Variants in SORCS2 observed in about 807,000 individuals in gnomAD.
SORCS2 encodes the protein sortilin related VPS10 domain containing receptor 2, also known as VPS10 domain-containing receptor SorCS2.
A neutral mutation model predicts 141.6 loss-of-function variants in SORCS2; 100 were observed. The observed-to-expected ratio is 0.71, with a 90% confidence interval of 0.60 to 0.83. The LOEUF is 0.83. SORCS2 is among the 40% of genes least tolerant of loss of function. SORCS2 has a pLI of 0.00. For synonymous variants in SORCS2, 789 were observed against 676.9 expected, an observed-to-expected ratio of 1.17 and a Z score of -2.57; for missense variants, 1,646 against 1,560.2, an observed-to-expected ratio of 1.05 and a Z score of -0.93.
chr4:7,468,856 C>T (rs756169307), intron 2 of SORCS2, among the ~76,000 whole-genome samples: 9 of 152,318 alleles, frequency 5.9e-5, no homozygotes, highest in East Asian at 1.9e-4. Context: ...CTATCCAAAA[C>T]GCCGTATCTG....
At chr4:7,296,797 C>T (rs1717093875) in intron 1 of SORCS2, among the ~76,000 whole-genome samples, 1 of 152,148 alleles carries the variant, frequency 6.6e-6, no homozygotes, top group African/African-American at 2.4e-5. Context: ...AGAGGTGACC[C>T]CCCAACACAC....
At chr4:7,710,945 T>C (rs1725793059) in intron 14 of SORCS2, among the ~76,000 whole-genome samples, 1 of 152,112 alleles carries the variant, frequency 6.6e-6, no homozygotes, top group Non-Finnish European at 1.5e-5. Flanking sequence ...AGAAAGCAGA[T>C]GGGACTGTGA....
At chr4:7,677,289 G>A (rs1163106603) in intron 9 of SORCS2, among the ~76,000 whole-genome samples, 1 of 152,184 alleles carries the variant, frequency 6.6e-6, no homozygotes, top group Non-Finnish European at 1.5e-5. Context: ...ATTTCCATCT[G>A]GATCCCTGCA....
intron 1 of SORCS2, among the ~76,000 whole-genome samples, chr4:7,328,593 C>T (rs535374531): frequency 1.3e-5 from 2 of 152,152 alleles, no homozygotes; most frequent in Admixed American, 6.5e-5. Flanking sequence ...TTGATTCATG[C>T]GAGAAGCGTT....
chr4:7,249,521 A>T (rs146678364), intron 1 of SORCS2, among the ~76,000 whole-genome samples: 1 of 152,312 alleles, frequency 6.6e-6, no homozygotes, highest in East Asian at 1.9e-4. Context: ...GAGGAGTATC[A>T]GAGAATTTGT....
chr4:7,694,814 C>T (rs959062928), intron 11 of SORCS2, among the ~76,000 whole-genome samples: 1 of 152,176 alleles, frequency 6.6e-6, no homozygotes, highest in Admixed American at 6.5e-5. Context: ...TTGCACCTGC[C>T]CGGGTCCACA....
intron 1 of SORCS2, among the ~76,000 whole-genome samples, chr4:7,309,029 T>C (rs961953618): frequency 2.6e-5 from 4 of 152,206 alleles, no homozygotes; most frequent in African/African-American, 7.2e-5. Context: ...TTCTCTCTCC[T>C]CTGCAACTTC....
rs946380074 is a variant in SORCS2, at chr4:7,736,222, A to G, written c.3312-847A>G. Among the ~76,000 whole-genome samples, 78 of 152,232 alleles carry G rather than the reference A, an allele frequency of 5.1e-4. 1 individual carries two copies. The highest frequency in any genetic ancestry group is 7.2e-4 in the Non-Finnish European group (49 of 68,048). ...CAGCCACATGCCCCTGGGGCCCGGC[A>G]GGGGCTTGGCCCTCGTCTCTCAAGG... On this transcript the variant is annotated intron_variant, in intron 25 of 26. Coordinates refer to ENST00000507866, the MANE Select transcript of SORCS2 (RefSeq NM_020777.3).
intron 7 of SORCS2, among the ~76,000 whole-genome samples, chr4:7,665,673 C>T (rs895492097): frequency 6.6e-6 from 1 of 152,200 alleles, no homozygotes; most frequent in Non-Finnish European, 1.5e-5. Context: ...TGTCCCTACA[C>T]CTGACTCAGG....
chr4:7,501,230 C>G (rs1731957870), intron 2 of SORCS2, among the ~76,000 whole-genome samples: 1 of 152,230 alleles, frequency 6.6e-6, no homozygotes, highest in Non-Finnish European at 1.5e-5. Flanking sequence ...CGCTCGGTCC[C>G]ACGCCCTCGT....
intron 2 of SORCS2, among the ~76,000 whole-genome samples, chr4:7,490,925 C>G (rs1399800947): frequency 1.3e-5 from 2 of 152,188 alleles, no homozygotes; most frequent in Non-Finnish European, 2.9e-5. Context: ...AGGGACGTAC[C>G]TGGCACGTGG....
At position 7,450,394 on chromosome 4, in the gene SORCS2, A is replaced by C. The variant is rs1183213479; in HGVS notation, c.548+54039A>C. Among the ~76,000 whole-genome samples, 3 of 152,194 alleles carry C rather than the reference A, an allele frequency of 2.0e-5. No homozygotes were observed. In the East Asian group the frequency reaches 5.8e-4, roughly 29 times the overall value. On this transcript the variant is annotated intron_variant, in intron 2 of 26. Transcript: ENST00000507866. ...CTCTCCAGCCCTTTCTTGGGCCCCC[A>C]GGTCCTCCAGAAGTTGTCAACCATC...
In SORCS2 at chr4:7,725,779, G is replaced by C. The variant is rs74642733; in HGVS notation, c.2745+492G>C. Among the ~76,000 whole-genome samples the C allele has an allele frequency of 5.5e-3, 840 of 152,290 alleles. 15 individuals carry two copies. Among genetic ancestry groups the C allele is most frequent in the African/African-American group, 0.019 (798 of 41,554 alleles). On this transcript the variant is annotated intron_variant, in intron 20 of 26. Coordinates refer to ENST00000507866, the MANE Select transcript of SORCS2 (RefSeq NM_020777.3). ...CAAATTAGCAGAATGCCTGGACTGG[G>C]GGCAAGACCCAGTGAAGGGCATCCT...
chr4:7,424,790 C>A (rs1003401529), intron 2 of SORCS2, among the ~76,000 whole-genome samples: 17 of 152,216 alleles, frequency 1.1e-4, no homozygotes, highest in Non-Finnish European at 5.9e-5. Flanking sequence ...ATGCCTTCAG[C>A]ACACACAGGC....
At chr4:7,231,757 G>A (rs1478855032) in intron 1 of SORCS2, among the ~76,000 whole-genome samples, 1 of 152,220 alleles carries the variant, frequency 6.6e-6, no homozygotes, top group African/African-American at 2.4e-5. Flanking sequence ...CTTCATGATG[G>A]AGGTGGCCTT....
At chr4:7,548,107 G>A (rs918311180) in intron 3 of SORCS2, among the ~76,000 whole-genome samples, 2 of 152,242 alleles carry the variant, frequency 1.3e-5, no homozygotes, top group African/African-American at 4.8e-5. Context: ...CATTCCTCCA[G>A]ATACTTTTCC....
chr4:7,427,742 GA>G (rs796240062), intron 2 of SORCS2, among the ~76,000 whole-genome samples: 20 of 152,152 alleles, frequency 1.3e-4, no homozygotes, highest in African/African-American at 3.1e-4. Flanking sequence ...AAGAGAGTGG[GA>G]GGCAGATCTC....
At chr4:7,275,489 C>G (rs1166475288) in intron 1 of SORCS2, among the ~76,000 whole-genome samples, 1 of 152,118 alleles carries the variant, frequency 6.6e-6, no homozygotes, top group Non-Finnish European at 1.5e-5. Context: ...GGAGACTGGA[C>G]TGGGTAAAGG....
At chr4:7,333,199 G>A (rs1211339392) in intron 1 of SORCS2, among the ~76,000 whole-genome samples, 1 of 152,222 alleles carries the variant, frequency 6.6e-6, no homozygotes, top group Non-Finnish European at 1.5e-5. Context: ...GACTGGCTGA[G>A]TTTCGGAGGA....
Sources: gnomAD v4.1 joint callset for allele counts (sites outside exome capture counted in the v4.1 genomes callset) on GRCh38, gnomAD v4.1.1 for gene constraint, MANE v1.5 for transcripts, NCBI Gene and HGNC (gene_info 2026-07-23, HGNC 2026-07-21) for gene names.